LRP1B: variants seen among roughly 807,000 people sequenced by gnomAD.
LRP1B encodes low-density lipoprotein receptor-related protein 1B.
A neutral mutation model predicts 556.6 loss-of-function variants in LRP1B; 217 were observed. The observed-to-expected ratio is 0.39, with a 90% CI of 0.35 to 0.44. The LOEUF is 0.44. Ranked by LOEUF, LRP1B falls within the 20% of genes least tolerant of loss-of-function variation. LRP1B has a pLI of 1.00. For missense variants in LRP1B, 5,053 were observed against 5,620.8 expected, an observed-to-expected ratio of 0.90 and a Z score of 3.23; for synonymous variants, 2,047 against 1,865.8, an observed-to-expected ratio of 1.10 and a Z score of -2.50.
chr2:141,479,874 T>C (rs951161614), intron 3 of LRP1B, among the ~76,000 whole-genome samples: 5 of 152,214 alleles, frequency 3.3e-5, no homozygotes, highest in Non-Finnish European at 7.3e-5. Context: ...CATTGTAGAA[T>C]TTAGATGTTG....
rs772574411 is a variant in LRP1B at position 140,868,090 on chromosome 2, T to A, written c.4334+9A>T. 6.4e-6 allele frequency: 10 copies of A among 1,573,718 alleles called. No individual in the cohort carries two copies. The Admixed American group carries it at 1.0e-4, about 17-fold the overall frequency. On this transcript the variant is annotated intron_variant, in intron 26 of 90. Coordinates refer to ENST00000389484, the MANE Select transcript of LRP1B (RefSeq NM_018557.3). ...AAAAAAAATACAGAAAAGAGATGAT[T>A]TTTTAAACCTGGCGTCTGTCCACAC...
intron 68 of LRP1B, among the ~76,000 whole-genome samples, chr2:140,373,506 T>G (rs530584600): frequency 6.6e-6 from 1 of 152,166 alleles, no homozygotes; most frequent in Non-Finnish European, 1.5e-5. Flanking sequence ...AAAAATTTTA[T>G]GGCTTCATCA....
At chr2:140,702,669 A>G (rs1214480768) in intron 37 of LRP1B, 116 bp from the exon 38 acceptor site, 3 of 914,278 alleles carry the variant, frequency 3.3e-6, no homozygotes, top group African/African-American at 1.7e-5. Context: ...TAAAAATAAT[A>G]CATTTCGGAA....
intron 2 of LRP1B, among the ~76,000 whole-genome samples, chr2:141,509,169 C>T (rs1380387403): frequency 1.3e-5 from 2 of 152,170 alleles, no homozygotes; most frequent in Admixed American, 1.3e-4. Flanking sequence ...GCAAGAAATA[C>T]AGCCCACTTG....
At chr2:140,711,487 CT>C (rs1270594538) in intron 37 of LRP1B, among the ~76,000 whole-genome samples, 1 of 152,080 alleles carries the variant, frequency 6.6e-6, no homozygotes, top group Non-Finnish European at 1.5e-5. Flanking sequence ...TGATTGGTAA[CT>C]CAAAGTTAAC....
In LRP1B at chr2:140,776,063, T is replaced by A. The variant is rs769665999; in HGVS notation, c.5500+35A>T. 58 of 1,492,628 alleles carry A rather than the reference T, an allele frequency of 3.9e-5. 2 individuals carry two copies. In the South Asian group the frequency reaches 6.7e-4, roughly 17 times the overall value. 92.5% of individuals were successfully genotyped at this position (1,492,628 alleles called of 1,614,324 possible). On this transcript the variant is annotated intron_variant, in intron 33 of 90. Coordinates refer to ENST00000389484, the MANE Select transcript of LRP1B (RefSeq NM_018557.3). ...ATATAAAAAAGAGCACATTACGTAT[T>A]CAAGACCTGGCACAAATTCATTAGT...
At chr2:142,045,142 G>A (rs1310165351) in intron 1 of LRP1B, among the ~76,000 whole-genome samples, 3 of 145,158 alleles carry the variant, frequency 2.1e-5, no homozygotes, top group African/African-American at 5.0e-5. Context: ...ACCCAAGGGG[G>A]AAAAAAAAAA....
intron 3 of LRP1B, among the ~76,000 whole-genome samples, chr2:141,335,119 G>C (rs754109806): frequency 4.6e-5 from 7 of 152,106 alleles, no homozygotes; most frequent in Non-Finnish European, 7.4e-5. Context: ...CAGTGAAATA[G>C]CTACAAATAC....
At chr2:140,971,885 G>A (rs971364170) in intron 18 of LRP1B, among the ~76,000 whole-genome samples, 6 of 152,134 alleles carry the variant, frequency 3.9e-5, no homozygotes, top group African/African-American at 1.4e-4. Flanking sequence ...ACAGATTCCT[G>A]GACTCCATCC....
At chr2:140,805,644 A>T (rs7557145) in intron 32 of LRP1B, among the ~76,000 whole-genome samples, 131,065 of 152,148 alleles carry the variant, frequency 0.86, 56,838 homozygotes, top group East Asian at 1. Flanking sequence ...TGCTTTAACC[A>T]ATATAATCAT....
chr2:140,447,885 G>A (rs1573950270), intron 63 of LRP1B, among the ~76,000 whole-genome samples: 1 of 152,044 alleles, frequency 6.6e-6, no homozygotes, highest in African/African-American at 2.4e-5. Flanking sequence ...GGAAAAAGGA[G>A]GCCCAAGGAC....
intron 77 of LRP1B, among the ~76,000 whole-genome samples, chr2:140,343,298 A>T (rs1320864360): frequency 1.3e-5 from 2 of 151,606 alleles, no homozygotes; most frequent in Admixed American, 1.3e-4. Flanking sequence ...TATATTGCTG[A>T]TCATTTTTTA....
At chr2:141,674,988 G>A (rs1336251640) in intron 2 of LRP1B, among the ~76,000 whole-genome samples, 2 of 151,782 alleles carry the variant, frequency 1.3e-5, no homozygotes, top group African/African-American at 4.8e-5. Context: ...TTTTTGTTTT[G>A]ATTTGTATTT....
At chr2:140,525,755 GA>G in intron 49 of LRP1B, 88 bp downstream of exon 49, 1 of 1,196,594 alleles carries the variant, frequency 8.4e-7, no homozygotes, top group Non-Finnish European at 1.2e-6. Flanking sequence ...TTGATATTAA[GA>G]ATAAAATTTT....
intron 3 of LRP1B, among the ~76,000 whole-genome samples, chr2:141,362,806 C>T (rs928816371): frequency 1.8e-4 from 26 of 147,570 alleles, no homozygotes; most frequent in African/African-American, 6.6e-4. Flanking sequence ...AAAGCATTCA[C>T]TTGCATTAAT....
rs556522089 is a variant in LRP1B, at chr2:141,438,668, C to T, written c.343+41728G>A. On this transcript the variant is annotated intron_variant, in intron 3 of 90. Transcript: ENST00000389484. The stretch of plus-strand genomic sequence containing the variant: ...GAACAAGGGTACACCTATAATAAGG[C>T]ATAAGATTTATTCTGGGATGAGAAC... Among the ~76,000 whole-genome samples, 8 of 152,150 alleles carry T rather than the reference C, an allele frequency of 5.3e-5. No individual in the cohort carries two copies. In the East Asian group the frequency reaches 1.6e-3, roughly 29 times the overall value.
chr2:140,785,834 C>T (rs1689878656), intron 32 of LRP1B, among the ~76,000 whole-genome samples: 1 of 152,182 alleles, frequency 6.6e-6, no homozygotes, highest in South Asian at 2.1e-4. Context: ...GCAAATGGTA[C>T]CCACTCAGTC....
At chr2:141,206,214 G>A (rs1160591544) in intron 6 of LRP1B, among the ~76,000 whole-genome samples, 1 of 151,818 alleles carries the variant, frequency 6.6e-6, no homozygotes, top group African/African-American at 2.4e-5. Context: ...CCCAAAAGAC[G>A]ACAAAACATA....
intron 19 of LRP1B, among the ~76,000 whole-genome samples, chr2:140,951,056 A>G (rs750729468): frequency 9.9e-5 from 15 of 152,214 alleles, no homozygotes; most frequent in Non-Finnish European, 2.1e-4. Context: ...CAAGGAGGCA[A>G]TGGTGACTGT....
Sources: allele counts gnomAD v4.1 joint callset (sites outside exome capture counted in the v4.1 genomes callset), GRCh38; gene constraint gnomAD v4.1.1; transcripts MANE v1.5; gene names NCBI Gene and HGNC (gene_info 2026-07-23, HGNC 2026-07-21).